The following TPM3 variants were observed in gnomAD, a reference collection of about 807,000 sequenced individuals.
The protein encoded by TPM3 is tropomyosin alpha-3 chain.
A neutral mutation model predicts 43.1 loss-of-function variants in TPM3; 16 were observed. The ratio of observed to expected loss-of-function variants is 0.37; its 90% CI spans 0.25 to 0.56. The LOEUF is 0.56. TPM3 is among the 20% of genes least tolerant of loss of function. TPM3 has a pLI of 0.77. For missense variants in TPM3, 176 were observed against 337.2 expected, an observed-to-expected ratio of 0.52 and a Z score of 3.74; for synonymous variants, 101 against 116.9, an observed-to-expected ratio of 0.86 and a Z score of 0.88.
At chr1:154,183,201 C>T in intron 2 of TPM3, 2 of 1,579,082 alleles carry the variant, frequency 1.3e-6, no homozygotes, top group African/African-American at 1.3e-5. Flanking sequence ...CTTACTTCCG[C>T]CTGCTACGCC....
rs759081682 is a variant in TPM3, at chr1:154,182,909, C to T, written c.244-6661G>A. On this transcript the variant is annotated intron_variant, in intron 2 of 9. Coordinates refer to ENST00000651641, the MANE Select transcript of TPM3 (RefSeq NM_152263.4). Reference sequence around the variant, plus strand: ...CGCCGGCCTTCAGAGGACCGTGCTCCACGGCAAAAGGGACCTTATTCCGCT... The same window carrying T: ...CGCCGGCCTTCAGAGGACCGTGCTCTACGGCAAAAGGGACCTTATTCCGCT... The T allele has an allele frequency of 6.5e-5, 104 of 1,602,152 alleles. 1 individual carries two copies. Among genetic ancestry groups the T allele is most frequent in the Middle Eastern group, 4.5e-4 (2 of 4,448 alleles).
At chr1:154,191,603 A>G in intron 1 of TPM3, 1 of 1,391,662 alleles carries the variant, frequency 7.2e-7, no homozygotes, top group East Asian at 2.6e-5. Flanking sequence ...GTGAAAAGAG[A>G]TGCTCTTTCC....
At chr1:154,175,574 A>G (rs931181259) in intron 3 of TPM3, among the ~76,000 whole-genome samples, 7 of 152,172 alleles carry the variant, frequency 4.6e-5, no homozygotes, top group African/African-American at 1.7e-4. Flanking sequence ...TCAGCATAGG[A>G]GCTGAGAATG....
rs979868637 is a variant in TPM3 at position 154,165,395 on chromosome 1, AAAAT to A, written c.*2538_*2541del. 6.6e-6 allele frequency among the ~76,000 whole-genome samples: 1 copy of A among 152,082 alleles called. No individual in the cohort carries two copies. Among genetic ancestry groups the A allele is most frequent in the Admixed American group, 6.6e-5 (1 of 15,252 alleles). On this transcript the variant is annotated 3_prime_UTR_variant, in exon 10 of 10. Coordinates refer to ENST00000651641, the MANE Select transcript of TPM3 (RefSeq NM_152263.4). ...AGCGAGACTCCATCTCAAAAAGAGA[AAAAT>A]AAATAAATAATGGAATGCTCAATAT...
At chr1:154,185,142 C>T (rs529429159) in intron 2 of TPM3, among the ~76,000 whole-genome samples, 13 of 152,088 alleles carry the variant, frequency 8.5e-5, no homozygotes, top group African/African-American at 2.9e-4. Flanking sequence ...GAGGCCACGG[C>T]GGGCAGATCA....
At position 154,187,858 on chromosome 1, in the gene TPM3, T is replaced by C. The variant is rs78889095; in HGVS notation, c.243+3328A>G. Among the ~76,000 whole-genome samples the C allele has an allele frequency of 2.5e-3, 384 of 151,606 alleles. 3 individuals are homozygous for C. The highest frequency in any genetic ancestry group is 4.8e-3 in the Non-Finnish European group (324 of 68,014). On this transcript the variant is annotated intron_variant, in intron 2 of 9. Transcript: ENST00000651641. ...CAAAACTGTTATTAACCTGACATTG[T>C]GCTAGTTTGTGAAAACTTCTATCTT...
At chr1:154,176,990 A>AG (rs1662414841) in intron 2 of TPM3, among the ~76,000 whole-genome samples, 1 of 151,890 alleles carries the variant, frequency 6.6e-6, no homozygotes. Flanking sequence ...AAAAAAAAAA[A>AG]AAAAAAAGAG....
intron 2 of TPM3, among the ~76,000 whole-genome samples, chr1:154,176,890 A>G (rs1662397183): frequency 6.6e-6 from 1 of 151,628 alleles, no homozygotes; most frequent in African/African-American, 2.4e-5. Flanking sequence ...GAGGCAGAAG[A>G]ATCCCTTGAA....
rs141356306 is a variant in TPM3, at chr1:154,169,830, C to G, written c.776-447G>C. On this transcript the variant is annotated intron_variant, in intron 8 of 9. Transcript: ENST00000651641. Reference sequence around the variant, plus strand: ...CCACAGGCTGCCCCTGCAACTCTGCCAAGAGAGTGTACCAAAGGAGCATAC... The same window carrying G: ...CCACAGGCTGCCCCTGCAACTCTGCGAAGAGAGTGTACCAAAGGAGCATAC... 76 of 271,550 alleles carry G rather than the reference C, an allele frequency of 2.8e-4. No homozygotes were observed. In the East Asian group the frequency reaches 7.1e-3, roughly 25 times the overall value. 16.8% of individuals were successfully genotyped at this position (271,550 alleles called of 1,614,324 possible). A position where few individuals can be genotyped will look rare whatever the true frequency, so the allele number is the denominator to read the frequency against.
chr1:154,173,888 G>A (rs1661904441), intron 3 of TPM3, among the ~76,000 whole-genome samples: 2 of 151,958 alleles, frequency 1.3e-5, no homozygotes, highest in Admixed American at 1.3e-4. Flanking sequence ...ACTGAGGCAA[G>A]ATAATCACTT....
At chr1:154,190,599 C>G (rs911343736) in intron 2 of TPM3, among the ~76,000 whole-genome samples, 1 of 152,178 alleles carries the variant, frequency 6.6e-6, no homozygotes, top group South Asian at 2.1e-4. Context: ...TTCTATTATA[C>G]TCTGTCACTG....
At chr1:154,158,867 C>CA (rs1660071118), downstream of TPM3, 1 of 749,970 alleles carries the variant, frequency 1.3e-6, no homozygotes, top group South Asian at 1.4e-5. Flanking sequence ...TTGCTCAGGG[C>CA]AAAATAATAA....
At chr1:154,170,805 T>C in intron 6 of TPM3, 94 bp from the exon 7 acceptor site, 1 of 882,226 alleles carries the variant, frequency 1.1e-6, no homozygotes, top group South Asian at 1.3e-5. Flanking sequence ...AATATCCTCT[T>C]GCACTAAATG....
At position 154,169,316 on chromosome 1, in the gene TPM3, G is replaced by C; in HGVS notation, c.843C>G (p.Asp281Glu). 1.9e-6 allele frequency: 3 copies of C among 1,614,222 alleles called. No homozygotes were observed. The African/African-American group carries it at 4.0e-5, about 22-fold the overall frequency. Residue 281 changes from aspartate (D) to glutamate (E), a missense_variant, in exon 9 of 10, where the codon GAC (aspartate) becomes GAG (glutamate). Transcript: ENST00000651641. ...TGTCAGATAGTTACATAGAGGTCAT[G>C]TCATTGAGGGCGTGGTCCAGCTCCT... ...ISEELDHALNDMTSI is the reference protein window; with the variant it reads ...ISEELDHALNEMTSI
rs573662897 is a variant in TPM3 at position 154,166,929 on chromosome 1, T to C, written c.*1008A>G. On this transcript the variant is annotated 3_prime_UTR_variant, in exon 10 of 10. Coordinates refer to ENST00000651641, the MANE Select transcript of TPM3 (RefSeq NM_152263.4). ...AACTCATGACCTCAGGTGATCCACC[T>C]GCCCCAGCCTCCCAAAGTGCTGGGA... Among the ~76,000 whole-genome samples the C allele has an allele frequency of 6.6e-6, 1 of 152,290 alleles. No homozygotes were observed. Among genetic ancestry groups the C allele is most frequent in the South Asian group, 2.1e-4 (1 of 4,820 alleles).
Position 154,170,714 on chromosome 1 carries a change from G to A in TPM3, c.643-3C>T, listed in dbSNP as rs529845435. 1.2e-5 allele frequency: 19 copies of A among 1,592,458 alleles called. No homozygotes were observed. The South Asian group carries it at 1.8e-4, about 15-fold the overall frequency. ...TATTTATCTTCTTTTTGAGAGTACT[G>A]TAAGATAAGTAGATTAAAAATTTCA... On this transcript the variant is annotated splice_region_variant and splice_polypyrimidine_tract_variant and intron_variant, in intron 6 of 9. Transcript: ENST00000651641.
rs1661471658 is a variant in TPM3 at position 154,170,672 on chromosome 1, T to C, written c.682A>G (p.Ile228Val). ...KEDKYEEEIK[I>V]LTDKLKEAET... ...ACCTCCTTGAGTTTATCAGTAAGAA[T>C]CTTGATTTCTTCCTCATATTTATCT... The change falls in exon 7 of 10, where the codon ATT becomes GTT. Residue 228 changes from isoleucine (I) to valine (V), a missense_variant. Around this residue, in one of 4 missense-constraint regions of TPM3, gnomAD observed 53 missense variants for 98.3 expected, o/e 0.54. Transcript: ENST00000651641. The C allele has an allele frequency of 6.2e-7, 1 of 1,612,898 alleles. No homozygotes were observed. The highest frequency in any genetic ancestry group is 1.3e-5 in the African/African-American group (1 of 75,052).
At chr1:154,172,628 C>A in intron 5 of TPM3, 1 of 486,740 alleles carries the variant, frequency 2.1e-6, no homozygotes, top group South Asian at 2.0e-5. Context: ...CCAGTAGGAT[C>A]TTCCAATTAA....
chr1:154,170,088 T>C (rs1344070942), intron 8 of TPM3: 1 of 374,226 alleles, frequency 2.7e-6, no homozygotes, highest in Non-Finnish European at 5.0e-6. Context: ...TGGCTTCCAT[T>C]TAAACCCACA....
Sources: gnomAD v4.1 joint callset for allele counts (sites outside exome capture counted in the v4.1 genomes callset) on GRCh38, gnomAD v4.1.1 for gene constraint, gnomAD v4.1.1 regional missense constraint, MANE v1.5 for transcripts, NCBI Gene and HGNC (gene_info 2026-07-23, HGNC 2026-07-21) for gene names.